KCNH7: variants seen among roughly 807,000 people sequenced by gnomAD.
KCNH7 encodes the protein potassium voltage-gated channel subfamily H member 7.
Under a neutral mutation model 120.8 loss-of-function variants are expected in KCNH7, and 49 were observed. The observed-to-expected ratio is 0.41, with a 90% CI of 0.32 to 0.51. The LOEUF is 0.51. Among genes scored for constraint, KCNH7 ranks in the 20% least tolerant of loss-of-function variants. The pLI, the probability that KCNH7 is intolerant of heterozygous loss-of-function variation, is 0.38. For missense variants in KCNH7, 1,097 were observed against 1,446.6 expected, an observed-to-expected ratio of 0.76 and a Z score of 3.92; for synonymous variants, 547 against 516.1, an observed-to-expected ratio of 1.06 and a Z score of -0.81.
At chr2:162,775,449 G>T (rs566292027) in intron 2 of KCNH7, among the ~76,000 whole-genome samples, 1 of 152,192 alleles carries the variant, frequency 6.6e-6, no homozygotes, top group African/African-American at 2.4e-5. Context: ...GTGGTTTGGG[G>T]CTACGGAATA....
At chr2:162,646,871 T>C (rs1185788859) in intron 2 of KCNH7, among the ~76,000 whole-genome samples, 2 of 152,234 alleles carry the variant, frequency 1.3e-5, no homozygotes, top group African/African-American at 4.8e-5. Context: ...AACATCTTGA[T>C]TTTAGCCTTG....
At chr2:162,544,325 G>T (rs555235769) in intron 2 of KCNH7, among the ~76,000 whole-genome samples, 1 of 152,096 alleles carries the variant, frequency 6.6e-6, no homozygotes, top group Non-Finnish European at 1.5e-5. Context: ...TAGGTACCAG[G>T]ATTAGCATTT....
intron 5 of KCNH7, among the ~76,000 whole-genome samples, chr2:162,509,274 GT>G (rs1175619850): frequency 6.6e-6 from 1 of 151,452 alleles, no homozygotes. Flanking sequence ...CTTTTAGATG[GT>G]GCTGGAAATA....
intron 2 of KCNH7, among the ~76,000 whole-genome samples, chr2:162,696,927 G>A (rs908108296): frequency 5.9e-5 from 9 of 152,026 alleles, no homozygotes; most frequent in African/African-American, 2.2e-4. Context: ...ATGATGACAG[G>A]AAATCATTTT....
At chr2:162,712,449 T>C (rs1415951842) in intron 2 of KCNH7, among the ~76,000 whole-genome samples, 2 of 152,092 alleles carry the variant, frequency 1.3e-5, no homozygotes, top group African/African-American at 4.8e-5. Context: ...TCTCTTCTAG[T>C]TTTTCATGAA....
chr2:162,501,678 T>C (rs1255420946), intron 6 of KCNH7, among the ~76,000 whole-genome samples: 2 of 152,012 alleles, frequency 1.3e-5, no homozygotes, highest in South Asian at 2.1e-4. Flanking sequence ...CATCTTTTCA[T>C]TGTAACCTCA....
intron 2 of KCNH7, among the ~76,000 whole-genome samples, chr2:162,569,211 G>C (rs528547371): frequency 8.7e-4 from 132 of 151,974 alleles, no homozygotes; most frequent in African/African-American, 3.0e-3. Flanking sequence ...TTCAGCTCCT[G>C]TTATTGGTCT....
intron 6 of KCNH7, among the ~76,000 whole-genome samples, chr2:162,483,495 A>G (rs1160129181): frequency 2.6e-5 from 4 of 152,024 alleles, no homozygotes; most frequent in African/African-American, 9.7e-5. Flanking sequence ...ATTTTCAGTG[A>G]TAAAAATAAT....
intron 2 of KCNH7, among the ~76,000 whole-genome samples, chr2:162,808,788 A>G (rs1419170532): frequency 6.6e-6 from 1 of 152,012 alleles, no homozygotes; most frequent in Non-Finnish European, 1.5e-5. Flanking sequence ...TCATAAAGAA[A>G]TTTTGGAATT....
chr2:162,405,670 G>A (rs1449884126), intron 9 of KCNH7, among the ~76,000 whole-genome samples: 2 of 151,946 alleles, frequency 1.3e-5, no homozygotes, highest in African/African-American at 4.8e-5. Context: ...GTGTGCCAAA[G>A]TTAATATAAG....
chr2:162,493,374 G>T (rs1690391185), intron 6 of KCNH7, among the ~76,000 whole-genome samples: 1 of 152,120 alleles, frequency 6.6e-6, no homozygotes, highest in South Asian at 2.1e-4. Context: ...AAAAATAAAA[G>T]CTATAATGCC....
At chr2:162,672,242 G>C (rs763792467) in intron 2 of KCNH7, among the ~76,000 whole-genome samples, 1 of 151,926 alleles carries the variant, frequency 6.6e-6, no homozygotes, top group Non-Finnish European at 1.5e-5. Context: ...ATTTACAAAA[G>C]GTGGCTAAAT....
At chr2:162,591,233 T>A (rs1694206668) in intron 2 of KCNH7, among the ~76,000 whole-genome samples, 1 of 152,010 alleles carries the variant, frequency 6.6e-6, no homozygotes, top group Non-Finnish European at 1.5e-5. Context: ...CTTTTATTTT[T>A]ATGCATTTCT....
chr2:162,712,591 G>T (rs2105360159), intron 2 of KCNH7, among the ~76,000 whole-genome samples: 1 of 152,276 alleles, frequency 6.6e-6, no homozygotes, highest in South Asian at 2.1e-4. Context: ...AACAAAGGAA[G>T]ATGACAGATT....
intron 2 of KCNH7, among the ~76,000 whole-genome samples, chr2:162,764,554 A>G (rs1689082031): frequency 6.6e-6 from 1 of 152,170 alleles, no homozygotes; most frequent in Non-Finnish European, 1.5e-5. Context: ...TGTATAGAAT[A>G]GACTTATTTT....
intron 4 of KCNH7, among the ~76,000 whole-genome samples, chr2:162,516,348 A>G (rs1691294832): frequency 6.6e-6 from 1 of 151,732 alleles, no homozygotes; most frequent in African/African-American, 2.4e-5. Flanking sequence ...GAAGGGGGAA[A>G]TGGGTCCCTG....
intron 11 of KCNH7, among the ~76,000 whole-genome samples, chr2:162,395,085 C>T (rs1394205067): frequency 6.6e-6 from 1 of 151,726 alleles, no homozygotes; most frequent in African/African-American, 2.4e-5. Flanking sequence ...TGTAAGAATA[C>T]ATTTTATAAA....
At chr2:162,792,898 C>G (rs1306934724) in intron 2 of KCNH7, among the ~76,000 whole-genome samples, 1 of 151,068 alleles carries the variant, frequency 6.6e-6, no homozygotes, top group Non-Finnish European at 1.5e-5. Context: ...CTAGTTCTTT[C>G]AGTTGTGATG....
At chr2:162,808,603 T>G (rs1684630115) in intron 2 of KCNH7, among the ~76,000 whole-genome samples, 1 of 152,166 alleles carries the variant, frequency 6.6e-6, no homozygotes, top group South Asian at 2.1e-4. Flanking sequence ...AATTCAACAA[T>G]GGAGTACAAA....
Sources: allele counts gnomAD v4.1 joint callset (sites outside exome capture counted in the v4.1 genomes callset), GRCh38; gene constraint gnomAD v4.1.1; transcripts MANE v1.5; gene names NCBI Gene and HGNC (gene_info 2026-07-23, HGNC 2026-07-21).